PTCHD4: variants seen among roughly 807,000 people sequenced by gnomAD.
PTCHD4 encodes the protein patched domain containing 4.
Under a neutral mutation model 58.1 loss-of-function variants are expected in PTCHD4, and 33 were observed. The ratio of observed to expected loss-of-function variants is 0.57; its 90% CI spans 0.43 to 0.76. The LOEUF is 0.76. PTCHD4 is among the 30% of genes least tolerant of loss of function. The pLI, the probability that PTCHD4 is intolerant of heterozygous loss-of-function variation, is 0.00. For synonymous variants in PTCHD4, 478 were observed against 409.6 expected, an observed-to-expected ratio of 1.17 and a Z score of -2.02; for missense variants, 1,058 against 1,027.1, an observed-to-expected ratio of 1.03 and a Z score of -0.41.
chr6:47,944,668 T>A (rs957127513), intron 4 of PTCHD4, among the ~76,000 whole-genome samples: 1 of 152,084 alleles, frequency 6.6e-6, no homozygotes, highest in Admixed American at 6.6e-5. Context: ...GGAATAGTCA[T>A]CATGTTATTC....
At chr6:48,070,843 T>A (rs1232652533) in intron 1 of PTCHD4, among the ~76,000 whole-genome samples, 1 of 152,246 alleles carries the variant, frequency 6.6e-6, no homozygotes, top group Non-Finnish European at 1.5e-5. Context: ...TGGGAAAGTT[T>A]TGGCTATACA....
intron 1 of PTCHD4, among the ~76,000 whole-genome samples, chr6:48,078,051 A>C (rs1444107024): frequency 6.6e-6 from 1 of 152,234 alleles, no homozygotes; most frequent in Non-Finnish European, 1.5e-5. Context: ...GAAAAAAAAC[A>C]CAATATCTGC....
chr6:47,861,787 C>T lies in PTCHD4; in HGVS notation c.*16516G>A, dbSNP rs566869586. On this transcript the variant is annotated 3_prime_UTR_variant, in exon 5 of 5. Transcript: ENST00000339488. ...CTTTTTATGAGACATTAAAGTATTC[C>T]GCTGAGCAATTTGAACTGCTTTGTC... Among the ~76,000 whole-genome samples, 13 of 151,980 alleles carry T rather than the reference C, an allele frequency of 8.6e-5. No homozygotes were observed. Among genetic ancestry groups the T allele is most frequent in the South Asian group, 4.1e-4 (2 of 4,828 alleles).
chr6:48,047,893 G>A (rs1296402285), intron 3 of PTCHD4, among the ~76,000 whole-genome samples: 1 of 151,642 alleles, frequency 6.6e-6, no homozygotes, highest in African/African-American at 2.4e-5. Context: ...TCTGTCTATG[G>A]TATTTTTGTT....
intron 4 of PTCHD4, among the ~76,000 whole-genome samples, chr6:48,004,096 A>C (rs1353036325): frequency 1.3e-5 from 2 of 152,172 alleles, no homozygotes; most frequent in East Asian, 1.9e-4. Flanking sequence ...CGTAAGGTTC[A>C]TGAGGGTGAC....
At chr6:48,045,833 C>T (rs75510469) in intron 3 of PTCHD4, among the ~76,000 whole-genome samples, 2,426 of 150,470 alleles carry the variant, frequency 0.016, 34 homozygotes, top group Non-Finnish European at 0.026. Flanking sequence ...TTGACTTTAA[C>T]GCATCTTCAT....
intron 4 of PTCHD4, among the ~76,000 whole-genome samples, chr6:47,894,358 G>A (rs935729024): frequency 6.6e-6 from 1 of 152,196 alleles, no homozygotes; most frequent in Non-Finnish European, 1.5e-5. Context: ...AGGATAGCAG[G>A]TGGGGAAGAT....
intron 4 of PTCHD4, among the ~76,000 whole-genome samples, chr6:48,001,654 C>T (rs1344131066): frequency 1.3e-5 from 2 of 152,142 alleles, no homozygotes; most frequent in African/African-American, 4.8e-5. Context: ...ACCATAAAAA[C>T]CCTAGAAGAA....
rs530241553 is a variant in PTCHD4 at position 47,869,744 on chromosome 6, G to T, written c.*8559C>A. On this transcript the variant is annotated 3_prime_UTR_variant, in exon 5 of 5. Coordinates refer to ENST00000339488, the MANE Select transcript of PTCHD4 (RefSeq NM_001384253.1). The stretch of plus-strand genomic sequence containing the variant: ...TAAAGGATAAAAAATTACATTATAA[G>T]TTTTAGAACTTGTGATTCAATAAAA... 4.8e-4 allele frequency among the ~76,000 whole-genome samples: 73 copies of T among 151,598 alleles called. No individual in the cohort carries two copies. Among genetic ancestry groups the T allele is most frequent in the Middle Eastern group, 3.4e-3 (1 of 294 alleles).
intron 4 of PTCHD4, among the ~76,000 whole-genome samples, chr6:47,884,441 C>A (rs1358360980): frequency 1.3e-5 from 2 of 152,176 alleles, no homozygotes; most frequent in Non-Finnish European, 2.9e-5. Context: ...CACCCTTACT[C>A]AGAGATTCTT....
chr6:47,955,196 T>G (rs1265442394), intron 4 of PTCHD4, among the ~76,000 whole-genome samples: 1 of 152,168 alleles, frequency 6.6e-6, no homozygotes, highest in African/African-American at 2.4e-5. Context: ...AATAGGTAAC[T>G]GAAACAATAA....
At chr6:48,103,231 G>C (rs1378175495) in intron 1 of PTCHD4, among the ~76,000 whole-genome samples, 1 of 152,134 alleles carries the variant, frequency 6.6e-6, no homozygotes, top group African/African-American at 2.4e-5. Flanking sequence ...ACCTCACACG[G>C]CCGGGTACTC....
At chr6:48,027,166 C>T (rs750855510) in intron 3 of PTCHD4, among the ~76,000 whole-genome samples, 4 of 151,904 alleles carry the variant, frequency 2.6e-5, no homozygotes, top group African/African-American at 4.8e-5. Context: ...ATAACACTAC[C>T]AAATTAATTA....
chr6:48,100,472 G>A (rs9296588), intron 1 of PTCHD4, among the ~76,000 whole-genome samples: 25,327 of 152,058 alleles, frequency 0.17, 2,237 homozygotes, highest in African/African-American at 0.24. Context: ...CTGTTCTAAC[G>A]TGATCAAAAC....
Position 48,062,201 on chromosome 6 carries a change from T to TAAG in PTCHD4, c.417+6026_417+6028dup, listed in dbSNP as rs1764653908. Among the ~76,000 whole-genome samples, 4 of 152,188 alleles carry TAAG rather than the reference T, an allele frequency of 2.6e-5. No homozygotes were observed. In the South Asian group the frequency reaches 8.3e-4, roughly 31 times the overall value. On this transcript the variant is annotated intron_variant, in intron 3 of 4. Coordinates refer to ENST00000339488, the MANE Select transcript of PTCHD4 (RefSeq NM_001384253.1). ...TAGAATTATTTAAAGTAGAAAAGATTAAGAAAATAAAAACGGTTAGAGTGC... is the reference window on the plus strand; with the variant it reads ...TAGAATTATTTAAAGTAGAAAAGATTAAGAAGAAAATAAAAACGGTTAGAGTGC...
At chr6:47,919,227 T>A (rs1765355388) in intron 4 of PTCHD4, among the ~76,000 whole-genome samples, 1 of 152,198 alleles carries the variant, frequency 6.6e-6, no homozygotes, top group Non-Finnish European at 1.5e-5. Context: ...CAAATTGAAT[T>A]GATATTTTAA....
intron 4 of PTCHD4, among the ~76,000 whole-genome samples, chr6:48,005,897 A>G (rs1299605595): frequency 6.6e-6 from 1 of 152,210 alleles, no homozygotes; most frequent in Non-Finnish European, 1.5e-5. Context: ...CCAATATAAC[A>G]CACAGAGTTA....
rs1448441580 is a variant in PTCHD4 at position 47,875,590 on chromosome 6, G to A, written c.*2713C>T. Among the ~76,000 whole-genome samples, 1 of 151,772 alleles carries A rather than the reference G, an allele frequency of 6.6e-6. No homozygotes were observed. Among genetic ancestry groups the A allele is most frequent in the African/African-American group, 2.4e-5 (1 of 41,370 alleles). On this transcript the variant is annotated 3_prime_UTR_variant, in exon 5 of 5. Coordinates refer to ENST00000339488, the MANE Select transcript of PTCHD4 (RefSeq NM_001384253.1). ...ACTACGGTGTCCTGGAAAAGATAAT[G>A]TTCCTTCCAAAATGCCCTCTAGTCA...
rs937091147 is a variant in PTCHD4 at position 47,869,253 on chromosome 6, C to T, written c.*9050G>A. Reference sequence around the variant, plus strand: ...TGCTGATAGCCCCTGAACAATTATGCCCCAGCTTGAAACTGTATAGCGTGC... The same window carrying T: ...TGCTGATAGCCCCTGAACAATTATGTCCCAGCTTGAAACTGTATAGCGTGC... On this transcript the variant is annotated 3_prime_UTR_variant, in exon 5 of 5. Coordinates refer to ENST00000339488, the MANE Select transcript of PTCHD4 (RefSeq NM_001384253.1). Among the ~76,000 whole-genome samples, 4 of 151,676 alleles carry T rather than the reference C, an allele frequency of 2.6e-5. No homozygotes were observed. Among genetic ancestry groups the T allele is most frequent in the Non-Finnish European group, 5.9e-5 (4 of 67,778 alleles).
Sources: gnomAD v4.1 joint callset for allele counts (sites outside exome capture counted in the v4.1 genomes callset) on GRCh38, gnomAD v4.1.1 for gene constraint, MANE v1.5 for transcripts, NCBI Gene and HGNC (gene_info 2026-07-23, HGNC 2026-07-21) for gene names.